The following CCDC3 variants were observed in gnomAD, a reference collection of about 807,000 sequenced individuals.
The protein encoded by CCDC3 is coiled-coil domain containing 3, also known as coiled-coil domain-containing protein 3.
Under a neutral mutation model 21.4 loss-of-function variants are expected in CCDC3, and 24 were observed. The ratio of observed to expected loss-of-function variants is 1.12; its 90% CI spans 0.81 to 1.58. The LOEUF (loss-of-function observed/expected upper bound fraction) is 1.58, where lower values mean the gene tolerates loss of function less well. Ranked by LOEUF, CCDC3 falls within the 40% of genes most tolerant of loss-of-function variation. The pLI is 0.00. For synonymous variants in CCDC3, 186 were observed against 166.0 expected (o/e 1.12, Z -0.93); for missense variants, 425 against 360.9 (o/e 1.18, Z -1.44).
intron 2 of CCDC3, among the ~76,000 whole-genome samples, chr10:12,963,189 G>C (rs1286657731): frequency 1.3e-5 from 2 of 152,114 alleles, no homozygotes; most frequent in Non-Finnish European, 2.9e-5. Context: ...TCTTTATTTA[G>C]AAGGCTGCTT....
At chr10:13,098,236 G>A (rs746240108) in intron 3 of CCDC3, among the ~76,000 whole-genome samples, 1 of 152,128 alleles carries the variant, frequency 6.6e-6, no homozygotes, top group Non-Finnish European at 1.5e-5. Context: ...GCCATGGGCA[G>A]CTTGTGGGTG....
intron 4 of CCDC3, among the ~76,000 whole-genome samples, chr10:13,052,952 ACACAC>A (rs1836629106): frequency 1.8e-5 from 2 of 109,814 alleles, no homozygotes; most frequent in African/African-American, 7.8e-5. Flanking sequence ...ACACACACAC[ACACAC>A]ACACACACAC....
chr10:12,916,976 C>G (rs1834366958), intron 2 of CCDC3, among the ~76,000 whole-genome samples: 1 of 151,992 alleles, frequency 6.6e-6, no homozygotes, highest in African/African-American at 2.4e-5. Flanking sequence ...GGCCTTTATG[C>G]CCAGTGCAAT....
chr10:12,916,757 T>C (rs1402450583), intron 2 of CCDC3, among the ~76,000 whole-genome samples: 1 of 152,132 alleles, frequency 6.6e-6, no homozygotes, highest in East Asian at 1.9e-4. Flanking sequence ...TCTGGGGCCA[T>C]GAGGACTGGC....
At chr10:12,991,138 GTGAA>G (rs1835675275) in intron 2 of CCDC3, among the ~76,000 whole-genome samples, 1 of 152,178 alleles carries the variant, frequency 6.6e-6, no homozygotes, top group Admixed American at 6.5e-5. Context: ...TCTGAAAAAT[GTGAA>G]TGAAATGAGT....
chr10:13,058,948 T>G (rs1400131920), intron 4 of CCDC3, among the ~76,000 whole-genome samples: 1 of 152,098 alleles, frequency 6.6e-6, no homozygotes, highest in African/African-American at 2.4e-5. Context: ...CTATCTCAAT[T>G]TTCATAACAA....
At chr10:12,923,058 G>C (rs1300264376) in intron 2 of CCDC3, among the ~76,000 whole-genome samples, 1 of 152,186 alleles carries the variant, frequency 6.6e-6, no homozygotes, top group East Asian at 1.9e-4. Context: ...GGGGGAAGAA[G>C]ACCATCTGGA....
intron 2 of CCDC3, among the ~76,000 whole-genome samples, chr10:12,939,419 T>G (rs553917231): frequency 6.6e-6 from 1 of 152,304 alleles, no homozygotes; most frequent in South Asian, 2.1e-4. Context: ...TCTCAAGAGT[T>G]TGAGACCATC....
chr10:12,979,346 C>T (rs1490885421), intron 2 of CCDC3, among the ~76,000 whole-genome samples: 1 of 151,788 alleles, frequency 6.6e-6, no homozygotes, highest in Non-Finnish European at 1.5e-5. Context: ...TTTTTCCCCT[C>T]CTGCTTGTTC....
At chr10:13,090,404 C>T (rs1341713617) in intron 3 of CCDC3, among the ~76,000 whole-genome samples, 1 of 152,096 alleles carries the variant, frequency 6.6e-6, no homozygotes, top group Non-Finnish European at 1.5e-5. Flanking sequence ...TTTCTTTATC[C>T]ACTCATTGAT....
At chr10:12,963,431 G>A (rs185548411) in intron 2 of CCDC3, among the ~76,000 whole-genome samples, 41 of 152,212 alleles carry the variant, frequency 2.7e-4, no homozygotes, top group Admixed American at 1.0e-3. Context: ...CACTTCCCAC[G>A]TCTTCAACAC....
At chr10:12,907,525 C>T (rs1311362626) in intron 2 of CCDC3, among the ~76,000 whole-genome samples, 2 of 152,136 alleles carry the variant, frequency 1.3e-5, no homozygotes, top group Non-Finnish European at 2.9e-5. Flanking sequence ...CACACCTATA[C>T]TCCCAGCTAC....
At chr10:13,025,924 T>C (rs945982618) in intron 5 of CCDC3, among the ~76,000 whole-genome samples, 1 of 152,210 alleles carries the variant, frequency 6.6e-6, no homozygotes, top group African/African-American at 2.4e-5. Context: ...CTCACGCCTG[T>C]AATCCCAGCA....
chr10:12,991,402 C>T (rs1010617072), intron 2 of CCDC3, among the ~76,000 whole-genome samples: 2 of 152,004 alleles, frequency 1.3e-5, no homozygotes, highest in African/African-American at 2.4e-5. Flanking sequence ...ATCACTGCAA[C>T]CTCTGCCTCC....
chr10:13,038,575 T>C (rs1014486385), intron 5 of CCDC3, among the ~76,000 whole-genome samples: 6 of 152,186 alleles, frequency 3.9e-5, no homozygotes, highest in African/African-American at 1.4e-4. Context: ...AGGCTTAGCT[T>C]AGAGGCTTGG....
intron 5 of CCDC3, among the ~76,000 whole-genome samples, chr10:13,029,631 T>C (rs142022486): frequency 1.3e-5 from 2 of 152,178 alleles, no homozygotes; most frequent in East Asian, 1.9e-4. Context: ...ACAAACAGCA[T>C]AGAGAAGACC....
At chr10:12,913,634 A>C (rs1589001792) in intron 2 of CCDC3, among the ~76,000 whole-genome samples, 1 of 152,240 alleles carries the variant, frequency 6.6e-6, no homozygotes, top group Non-Finnish European at 1.5e-5. Flanking sequence ...AGAAGTGGTA[A>C]GAGTGAACAT....
intron 2 of CCDC3, among the ~76,000 whole-genome samples, chr10:12,961,363 G>C (rs930053377): frequency 6.6e-6 from 1 of 152,158 alleles, no homozygotes; most frequent in Non-Finnish European, 1.5e-5. Flanking sequence ...AAAAAGGCAG[G>C]TGGGTCAACT....
chr10:12,922,371 T>C (rs1453891999), intron 2 of CCDC3, among the ~76,000 whole-genome samples: 1 of 151,916 alleles, frequency 6.6e-6, no homozygotes, highest in Non-Finnish European at 1.5e-5. Flanking sequence ...CATCCCACCC[T>C]CCCATCTGTG....
Sources: allele counts gnomAD v4.1 joint callset (sites outside exome capture counted in the v4.1 genomes callset), GRCh38; gene constraint gnomAD v4.1.1; transcripts MANE v1.5; gene names NCBI Gene and HGNC (gene_info 2026-07-23, HGNC 2026-07-21).